The following ZDHHC11B variants were observed in gnomAD, a reference collection of about 807,000 sequenced individuals.
ZDHHC11B encodes probable palmitoyltransferase ZDHHC11B.
In ZDHHC11B, 17 loss-of-function variants were observed where a neutral mutation model predicts 42.3. The ratio of observed to expected loss-of-function variants is 0.40; its 90% CI spans 0.27 to 0.60. The LOEUF (loss-of-function observed/expected upper bound fraction) is 0.60. Among genes scored for constraint, ZDHHC11B ranks in the 20% least tolerant of loss-of-function variants. The pLI is 0.41. For synonymous variants in ZDHHC11B, 123 were observed against 193.5 expected (o/e 0.64, Z 3.02); for missense variants, 262 against 463.2 (o/e 0.57, Z 3.99).
At chr5:757,705 G>A (rs1579386425) in intron 4 of ZDHHC11B, among the ~76,000 whole-genome samples, 1 of 151,952 alleles carries the variant, frequency 6.6e-6, no homozygotes, top group South Asian at 2.1e-4. Context: ...CGGGCCCTGG[G>A]TGCCGGTGTG....
rs1741362212 is a variant in ZDHHC11B, at chr5:711,415, G to GCTGTGCTCCCATTTCCCAGTA, written c.*874_*875insTACTGGGAAATGGGAGCACAG. On this transcript the variant is annotated 3_prime_UTR_variant, in exon 14 of 14. Coordinates refer to ENST00000508859, the MANE Select transcript of ZDHHC11B (RefSeq NM_001351303.2). Reference sequence around the variant, plus strand: ...TAGTACTGTGCTCCCATTTCCCAGTGCTGTGCTCCCAATTCCCAGTACTGT... The same window carrying GCTGTGCTCCCATTTCCCAGTA: ...TAGTACTGTGCTCCCATTTCCCAGTGCTGTGCTCCCATTTCCCAGTACTGTGCTCCCAATTCCCAGTACTGT... The GCTGTGCTCCCATTTCCCAGTA allele has an allele frequency of 2.2e-5, 3 of 133,678 alleles. No individual in the cohort carries two copies. Among genetic ancestry groups the GCTGTGCTCCCATTTCCCAGTA allele is most frequent in the African/African-American group, 8.8e-5 (3 of 34,064 alleles). The allele number at this position is 133,678 out of a possible 1,614,324, so 8.3% of individuals were successfully genotyped here.
chr5:774,031 G>T (rs558069036), intron 1 of ZDHHC11B, among the ~76,000 whole-genome samples: 16 of 151,930 alleles, frequency 1.1e-4, no homozygotes, highest in Middle Eastern at 3.4e-3. Flanking sequence ...AAGCATCCTC[G>T]CTGGCCAGGG....
chr5:743,217 C>T (rs1450201812), intron 9 of ZDHHC11B, among the ~76,000 whole-genome samples: 1 of 149,432 alleles, frequency 6.7e-6, no homozygotes, highest in Admixed American at 6.8e-5. Flanking sequence ...GTCCATTTCT[C>T]TATATCTGTC....
intron 10 of ZDHHC11B, among the ~76,000 whole-genome samples, chr5:739,396 T>A (rs1332120544): frequency 2.0e-5 from 3 of 149,160 alleles, no homozygotes; most frequent in Non-Finnish European, 4.5e-5. Flanking sequence ...AGACTCTGTC[T>A]CAAACAAACA....
chr5:722,008 A>C (rs1490263775), intron 12 of ZDHHC11B, among the ~76,000 whole-genome samples: 24 of 151,744 alleles, frequency 1.6e-4, no homozygotes, highest in African/African-American at 4.6e-4. Context: ...GAAACAATAC[A>C]AATCCATAGA....
intron 12 of ZDHHC11B, among the ~76,000 whole-genome samples, chr5:727,280 A>G (rs1273430643): frequency 7.8e-6 from 1 of 128,336 alleles, no homozygotes; most frequent in East Asian, 2.2e-4. Flanking sequence ...CAAGGCAGGA[A>G]CTTCCATCCT....
At chr5:769,972 G>T (rs1735858805) in intron 1 of ZDHHC11B, among the ~76,000 whole-genome samples, 1 of 151,892 alleles carries the variant, frequency 6.6e-6, no homozygotes, top group Admixed American at 6.6e-5. Flanking sequence ...ACAGCCCCGC[G>T]AGACGGCCGT....
intron 1 of ZDHHC11B, among the ~76,000 whole-genome samples, chr5:775,935 G>T (rs1187956433): frequency 2.1e-5 from 3 of 144,916 alleles, no homozygotes; most frequent in Admixed American, 6.9e-5. Context: ...GCTGTCCCAG[G>T]CCCTGCAGGT....
At chr5:718,914 G>A (rs1414728502) in intron 12 of ZDHHC11B, among the ~76,000 whole-genome samples, 7 of 151,660 alleles carry the variant, frequency 4.6e-5, no homozygotes, top group African/African-American at 1.7e-4. Context: ...GTCTGGTGGT[G>A]CCCTGAGGGA....
Position 716,813 on chromosome 5 carries a change from C to G in ZDHHC11B, c.1111G>C (p.Asp371His). ...CCACGTATCTTACCCGAATCTCAGT[C>G]TTCACTTTCAGCACTGTCAGTTTTC... ...PMKTDSAESE[D>H] is the part of the protein sequence containing the mutation. Residue 371 changes from aspartate to histidine, a missense_variant, in exon 13 of 14, where the codon GAC (aspartate) becomes CAC (histidine). By Grantham distance (81) the Asp-to-His change is moderately conservative. Around this residue, in one of 5 missense-constraint regions of ZDHHC11B, gnomAD observed 75 missense variants for 70.1 expected, o/e 1.07. Transcript: ENST00000508859. 6.2e-7 allele frequency: 1 copy of G among 1,613,106 alleles called. No individual in the cohort carries two copies. Among genetic ancestry groups the G allele is most frequent in the Non-Finnish European group, 8.5e-7 (1 of 1,179,550 alleles).
In ZDHHC11B at chr5:748,882, ACAGTGCCCACCCCTTCCTAAGTGCTG is replaced by A. The variant is rs1219967676; in HGVS notation, c.629-349_629-324del. ...CTCTTCCTCACTAAGTGCCGGGGTC[ACAGTGCCCACCCCTTCCTAAGTGCTG>A]GGGTCACAGCGCCCACCCCTTCCTC... On this transcript the variant is annotated intron_variant, in intron 7 of 13. Transcript: ENST00000508859. Among the ~76,000 whole-genome samples the A allele has an allele frequency of 5.9e-4, 72 of 122,748 alleles. 1 individual carries two copies. Among genetic ancestry groups the A allele is most frequent in the African/African-American group, 1.9e-3 (68 of 35,118 alleles). 80.5% of individuals were successfully genotyped at this position (122,748 alleles called of 152,430 possible).
At chr5:752,017 C>T (rs1339060415) in intron 6 of ZDHHC11B, among the ~76,000 whole-genome samples, 2 of 123,208 alleles carry the variant, frequency 1.6e-5, no homozygotes, top group African/African-American at 2.6e-5. Context: ...CCTCTGCCCG[C>T]ACCTCCCGAC....
rs1355295787 is a variant in ZDHHC11B at position 743,876 on chromosome 5, C to A, written c.900+1307G>T. On this transcript the variant is annotated intron_variant, in intron 9 of 13. Transcript: ENST00000508859. ...AATTTTCCCTGCTGCGCTGGGCTGG[C>A]CGGAATGTGACTGCAATGTCAGAAG... Among the ~76,000 whole-genome samples, 2 of 149,708 alleles carry A rather than the reference C, an allele frequency of 1.3e-5. 1 individual carries two copies. The highest frequency in any genetic ancestry group is 4.9e-5 in the African/African-American group (2 of 40,736).
At chr5:774,912 G>A (rs1442170199) in intron 1 of ZDHHC11B, among the ~76,000 whole-genome samples, 3 of 151,974 alleles carry the variant, frequency 2.0e-5, no homozygotes, top group Admixed American at 1.3e-4. Flanking sequence ...GGCGCCGACA[G>A]AGCCTACACC....
chr5:744,764 G>C (rs1262202926), intron 9 of ZDHHC11B, among the ~76,000 whole-genome samples: 3 of 149,286 alleles, frequency 2.0e-5, no homozygotes, highest in Non-Finnish European at 4.4e-5. Context: ...CCAGCTACTT[G>C]GGAGGCTGAG....
In ZDHHC11B at chr5:757,710, G is replaced by A. The variant is rs550077788; in HGVS notation, c.223-1566C>T. ...CACGTGGCCCCGGGCCCTGGGTGCCGGTGTGTGTGAGCTGGGGAGGAGACT... is the reference window on the plus strand; with the variant it reads ...CACGTGGCCCCGGGCCCTGGGTGCCAGTGTGTGTGAGCTGGGGAGGAGACT... On this transcript the variant is annotated intron_variant, in intron 4 of 13. Transcript: ENST00000508859. 1.3e-4 allele frequency among the ~76,000 whole-genome samples: 20 copies of A among 152,038 alleles called. No individual in the cohort carries two copies. The South Asian group carries it at 1.5e-3, about 11-fold the overall frequency.
chr5:728,104 T>C lies in ZDHHC11B; in HGVS notation c.1058+2330A>G, dbSNP rs922666161. 7.2e-5 allele frequency among the ~76,000 whole-genome samples: 11 copies of C among 151,744 alleles called. No individual in the cohort carries two copies. The East Asian group carries it at 1.9e-3, about 27-fold the overall frequency. ...AACTCCATTTAAAAGTGTGCAAACA[T>C]TTGAAAAGCTAATTCATACAAGAGG... is the stretch of plus-strand genomic sequence containing the variant. On this transcript the variant is annotated intron_variant, in intron 12 of 13. Transcript: ENST00000508859.
rs1359258982 is a variant in ZDHHC11B at position 752,172 on chromosome 5, G to A, written c.504-915C>T. Among the ~76,000 whole-genome samples, 68 of 100,670 alleles carry A rather than the reference G, an allele frequency of 6.8e-4. 2 individuals carry two copies. The highest frequency in any genetic ancestry group is 2.1e-3 in the African/African-American group (68 of 33,000). The allele number at this position is 100,670 out of a possible 152,430, so 66.0% of individuals were successfully genotyped here. On this transcript the variant is annotated intron_variant, in intron 6 of 13. Transcript: ENST00000508859. ...TGAAGCCAGGGAAGGGGAGAGCCATGAGAGTGCCGTGGCACCCAGGAGGGC... is the reference window on the plus strand; with the variant it reads ...TGAAGCCAGGGAAGGGGAGAGCCATAAGAGTGCCGTGGCACCCAGGAGGGC...
At chr5:745,463 T>G (rs1167584737) in intron 8 of ZDHHC11B, among the ~76,000 whole-genome samples, 165 bp from the exon 9 acceptor site, 1 of 149,720 alleles carries the variant, frequency 6.7e-6, no homozygotes, top group Admixed American at 6.7e-5. Flanking sequence ...TGAGTGCAGA[T>G]GCCTTGTGGG....
Sources: allele counts gnomAD v4.1 joint callset (sites outside exome capture counted in the v4.1 genomes callset), GRCh38; gene constraint gnomAD v4.1.1; regional missense constraint gnomAD v4.1.1; transcripts MANE v1.5; gene names NCBI Gene and HGNC (gene_info 2026-07-23, HGNC 2026-07-21).